The following HECTD4 variants were observed in gnomAD, a reference collection of about 807,000 sequenced individuals.
The protein encoded by HECTD4 is probable E3 ubiquitin-protein ligase HECTD4.
HECTD4 carries 114 observed loss-of-function variants against 471.5 expected under a neutral mutation model. That is an observed-to-expected ratio of 0.24 (90% CI 0.21 to 0.28). The LOEUF is 0.28. HECTD4 is among the 10% of genes least tolerant of loss of function. HECTD4 has a pLI of 1.00. For synonymous variants in HECTD4, 2,012 were observed against 2,256.0 expected, an observed-to-expected ratio of 0.89 and a Z score of 3.07; for missense variants, 3,866 against 5,651.5, an observed-to-expected ratio of 0.68 and a Z score of 10.13.
At chr12:112,313,612 C>A (rs975913928) in intron 3 of HECTD4, among the ~76,000 whole-genome samples, 2 of 151,658 alleles carry the variant, frequency 1.3e-5, no homozygotes, top group African/African-American at 4.9e-5. Flanking sequence ...CTCGGCCTCC[C>A]AAACAGCTGG....
intron 62 of HECTD4, among the ~76,000 whole-genome samples, 187 bp downstream of exon 62, chr12:112,182,872 C>T (rs1435230316): frequency 6.6e-6 from 1 of 152,260 alleles, no homozygotes; most frequent in African/African-American, 2.4e-5. Context: ...TGTGCCATCT[C>T]ACCAACACTC....
chr12:112,374,939 G>C (rs1305532921), intron 1 of HECTD4, among the ~76,000 whole-genome samples: 7 of 152,198 alleles, frequency 4.6e-5, no homozygotes, highest in African/African-American at 1.7e-4. Flanking sequence ...ACAGTAAACT[G>C]CACATATTTA....
Position 112,194,750 on chromosome 12 carries a change from C to T in HECTD4, c.8749+135G>A, listed in dbSNP as rs2032181714. On this transcript the variant is annotated intron_variant, in intron 56 of 75. Transcript: ENST00000682272. This position sits in a 1 kb window ranked among gnomAD's most constrained non-coding sequence, Gnocchi z 4.6. ...AAGCCCTGCCAGGAGAATCCCAGTT[C>T]CTGCGTGCAATTTCTCACGTGAGCC... 14 of 757,284 alleles carry T rather than the reference C, an allele frequency of 1.8e-5. No individual in the cohort carries two copies. Among genetic ancestry groups the T allele is most frequent in the Non-Finnish European group, 3.0e-5 (14 of 473,874 alleles). 46.9% of individuals were successfully genotyped at this position (757,284 alleles called of 1,614,324 possible).
intron 1 of HECTD4, among the ~76,000 whole-genome samples, chr12:112,340,228 C>T (rs1239711883): frequency 6.6e-6 from 1 of 152,182 alleles, no homozygotes; most frequent in Non-Finnish European, 1.5e-5. Context: ...TCACCATCCC[C>T]ACTGCTGATA....
At chr12:112,285,954 AAATC>A (rs2034743937) in intron 7 of HECTD4, among the ~76,000 whole-genome samples, 2 of 152,312 alleles carry the variant, frequency 1.3e-5, no homozygotes, top group South Asian at 4.1e-4. Context: ...TCCAAGATAA[AAATC>A]AATCACTTTA....
At chr12:112,335,644 CA>C (rs1266624987) in intron 1 of HECTD4, among the ~76,000 whole-genome samples, 1 of 152,040 alleles carries the variant, frequency 6.6e-6, no homozygotes, top group Non-Finnish European at 1.5e-5. Context: ...GCCAAGATCA[CA>C]CCGCTGCTCT....
Position 112,324,100 on chromosome 12 carries a change from TTCC to T in HECTD4, c.178-4361_178-4359del, listed in dbSNP as rs776069317. Among the ~76,000 whole-genome samples, 2,752 of 90,578 alleles carry T rather than the reference TTCC, an allele frequency of 0.03. 778 individuals are homozygous for T. In the East Asian group the frequency reaches 0.61, roughly 20 times the overall value. The allele number at this position is 90,578 out of a possible 152,430, so 59.4% of individuals were successfully genotyped here. On this transcript the variant is annotated intron_variant, in intron 1 of 75. Coordinates refer to ENST00000682272, the MANE Select transcript of HECTD4 (RefSeq NM_001388303.1). ...TTTCTTTCTTTCTTTCTTTCTTTCTTTCCTCTCTCTCTTTCTTTCTTTTTTTTA... is the reference window on the plus strand; with the variant it reads ...TTTCTTTCTTTCTTTCTTTCTTTCTTTCTCTCTCTTTCTTTCTTTTTTTTA...
Position 112,184,165 on chromosome 12 carries a change from G to A in HECTD4, c.10779+22C>T, listed in dbSNP as rs1566063983. 5.7e-6 allele frequency: 9 copies of A among 1,571,550 alleles called. No individual in the cohort carries two copies. Among genetic ancestry groups the A allele is most frequent in the Non-Finnish European group, 7.8e-6 (9 of 1,150,912 alleles). On this transcript the variant is annotated intron_variant, in intron 61 of 75. Transcript: ENST00000682272. The surrounding 1 kb of genome is among the most constrained non-coding windows in gnomAD (Gnocchi z 9.1). Reference sequence around the variant, plus strand: ...TGAAATGGGTCATGATTTAGTGGTTGCAGAGGCTTGAAAGCTGTTACCTCC... The same window carrying A: ...TGAAATGGGTCATGATTTAGTGGTTACAGAGGCTTGAAAGCTGTTACCTCC...
At position 112,245,454 on chromosome 12, in the gene HECTD4, T is replaced by G. The variant is rs546790056; in HGVS notation, c.4514-1445A>C. Among the ~76,000 whole-genome samples, 4 of 152,338 alleles carry G rather than the reference T, an allele frequency of 2.6e-5. No individual in the cohort carries two copies. In the East Asian group the frequency reaches 7.7e-4, roughly 29 times the overall value. On this transcript the variant is annotated intron_variant, in intron 29 of 75. Coordinates refer to ENST00000682272, the MANE Select transcript of HECTD4 (RefSeq NM_001388303.1). ...AGTGGTCAGGTCTATATACAGGACC[T>G]TTAACAAGGGCTTATGTGTATAGCA...
At chr12:112,333,604 T>C (rs2035884640) in intron 1 of HECTD4, among the ~76,000 whole-genome samples, 1 of 152,122 alleles carries the variant, frequency 6.6e-6, no homozygotes, top group Admixed American at 6.6e-5. Flanking sequence ...TTCCAGCACT[T>C]TGGGAGGCCA....
In HECTD4 at chr12:112,301,189, C is replaced by CT. The variant is rs879714994; in HGVS notation, c.1335+4874dup. 7.6e-3 allele frequency among the ~76,000 whole-genome samples: 1,090 copies of CT among 143,106 alleles called. 10 individuals are homozygous for CT. Among genetic ancestry groups the CT allele is most frequent in the Non-Finnish European group, 0.013 (865 of 64,882 alleles). The allele number at this position is 143,106 out of a possible 152,430, so 93.9% of individuals were successfully genotyped here. ...GCATGAGCCACCACGCCCGGTCGTA[C>CT]TTTTTTTTTTTGAGATGGAGTCTTG... On this transcript the variant is annotated intron_variant, in intron 7 of 75. Coordinates refer to ENST00000682272, the MANE Select transcript of HECTD4 (RefSeq NM_001388303.1).
At chr12:112,315,326 A>G (rs2035456889) in intron 2 of HECTD4, among the ~76,000 whole-genome samples, 1 of 152,240 alleles carries the variant, frequency 6.6e-6, no homozygotes, top group South Asian at 2.1e-4. Flanking sequence ...ATTGCTGGGT[A>G]TCATATGCCT....
In HECTD4 at chr12:112,238,972, C is replaced by T. The variant is rs1353813808; in HGVS notation, c.5290+80G>A. 4.4e-6 allele frequency: 6 copies of T among 1,349,432 alleles called. No homozygotes were observed. The South Asian group carries it at 9.0e-5, about 20-fold the overall frequency. The allele number at this position is 1,349,432 out of a possible 1,614,324, so 83.6% of individuals were successfully genotyped here. A position where few individuals can be genotyped will look rare whatever the true frequency, so the allele number is the denominator to read the frequency against. On this transcript the variant is annotated intron_variant, in intron 34 of 75. Transcript: ENST00000682272. The stretch of plus-strand genomic sequence containing the variant: ...CATTTAATAGAGGCTTTCTCTCTTT[C>T]ATTTAGCATAAAAAAACCAATAAAC...
intron 1 of HECTD4, among the ~76,000 whole-genome samples, chr12:112,377,164 G>T (rs2036796660): frequency 6.6e-6 from 1 of 151,962 alleles, no homozygotes; most frequent in Non-Finnish European, 1.5e-5. Context: ...AGTTGGCTGA[G>T]TGCAGTGACT....
intron 7 of HECTD4, among the ~76,000 whole-genome samples, chr12:112,298,675 G>C (rs1490739443): frequency 6.6e-6 from 1 of 151,598 alleles, no homozygotes; most frequent in Non-Finnish European, 1.5e-5. Flanking sequence ...CTGAGGTCAG[G>C]AGATCAAGAC....
rs1304337687 is a variant in HECTD4 at position 112,171,100 on chromosome 12, C to T, written c.11932+17G>A. ...CCTCTCTCTTCCTGCAGGGCCAGGGCAGGTGCAGGCACTGACCTTTGGCCT... is the reference window on the plus strand; with the variant it reads ...CCTCTCTCTTCCTGCAGGGCCAGGGTAGGTGCAGGCACTGACCTTTGGCCT... On this transcript the variant is annotated intron_variant, in intron 68 of 75. Transcript: ENST00000682272. 6.2e-7 allele frequency: 1 copy of T among 1,601,912 alleles called. No individual in the cohort carries two copies. The highest frequency in any genetic ancestry group is 1.7e-5 in the Admixed American group (1 of 59,254).
intron 43 of HECTD4, among the ~76,000 whole-genome samples, chr12:112,227,237 A>C (rs2033263473): frequency 6.6e-6 from 1 of 152,212 alleles, no homozygotes; most frequent in South Asian, 2.1e-4. Flanking sequence ...ACGCAGGTGG[A>C]TCACCAGAGG....
chr12:112,168,905 TCC>T (rs1038201710), intron 70 of HECTD4, among the ~76,000 whole-genome samples: 1 of 151,972 alleles, frequency 6.6e-6, no homozygotes, highest in Admixed American at 6.6e-5. Context: ...GATGCCAGGG[TCC>T]CCCGTCTGGG....
intron 8 of HECTD4, among the ~76,000 whole-genome samples, chr12:112,279,730 T>C (rs927008088): frequency 1.3e-5 from 2 of 152,202 alleles, no homozygotes; most frequent in Non-Finnish European, 2.9e-5. Flanking sequence ...AGTATTTGTT[T>C]GTGTTTCCCC....
Sources: allele counts gnomAD v4.1 joint callset (sites outside exome capture counted in the v4.1 genomes callset), GRCh38; gene constraint gnomAD v4.1.1; non-coding constraint Gnocchi (gnomAD v3.1); transcripts MANE v1.5; gene names NCBI Gene and HGNC (gene_info 2026-07-23, HGNC 2026-07-21).